Variants in SLC20A2 observed in about 807,000 individuals in gnomAD.
SLC20A2 encodes solute carrier family 20 member 2, also known as sodium-dependent phosphate transporter 2.
Under a neutral mutation model 61.0 loss-of-function variants are expected in SLC20A2, and 30 were observed. That is an observed-to-expected ratio of 0.49 (90% CI 0.37 to 0.67). The LOEUF (loss-of-function observed/expected upper bound fraction) is 0.67, where lower values mean the gene tolerates loss of function less well. Among genes scored for constraint, SLC20A2 ranks in the 30% least tolerant of loss-of-function variants. The probability of loss-of-function intolerance (pLI) is 0.00; values close to 1 mark genes in which losing one functional copy is unlikely to be tolerated. For synonymous variants in SLC20A2, 351 were observed against 353.3 expected (o/e 0.99, Z 0.07); for missense variants, 626 against 866.4 (o/e 0.72, Z 3.48).
upstream of SLC20A2, among the ~76,000 whole-genome samples, chr8:42,505,433 C>A (rs1230343197): frequency 2.6e-5 from 4 of 152,206 alleles, no homozygotes; most frequent in African/African-American, 2.4e-5. Flanking sequence ...ATGCCTGACC[C>A]CTCATTTCTT....
At chr8:42,493,206 G>C (rs1366531954) in intron 1 of SLC20A2, among the ~76,000 whole-genome samples, 1 of 152,194 alleles carries the variant, frequency 6.6e-6, no homozygotes, top group African/African-American at 2.4e-5. Context: ...GTCCCACTTT[G>C]TTCAAGATTT....
chr8:42,485,197 T>C (rs933737307), intron 1 of SLC20A2, among the ~76,000 whole-genome samples: 4 of 152,102 alleles, frequency 2.6e-5, no homozygotes, highest in African/African-American at 7.2e-5. Context: ...CTTCTCTCAC[T>C]GCATGGAATG....
chr8:42,474,198 A>AT (rs1325112768), intron 1 of SLC20A2, among the ~76,000 whole-genome samples: 43 of 152,174 alleles, frequency 2.8e-4, no homozygotes, highest in African/African-American at 1.0e-3. Flanking sequence ...ATAATAATGC[A>AT]TAAAAATACC....
intron 8 of SLC20A2, among the ~76,000 whole-genome samples, chr8:42,430,796 C>T (rs182613953): frequency 3.3e-5 from 5 of 152,180 alleles, no homozygotes; most frequent in Admixed American, 6.5e-5. Context: ...ACAGTATTCC[C>T]GAATTTTTCA....
intron 5 of SLC20A2, among the ~76,000 whole-genome samples, chr8:42,455,257 T>TATATATATATATAGAGAGAG (rs1357416749): frequency 1.2e-5 from 1 of 81,620 alleles, no homozygotes; most frequent in African/African-American, 4.4e-5. Context: ...TATATATATA[T>TATATATATATATAGAGAGAG]AGAGAGAGAG....
At chr8:42,489,365 G>A (rs1022695269) in intron 1 of SLC20A2, among the ~76,000 whole-genome samples, 3 of 151,988 alleles carry the variant, frequency 2.0e-5, no homozygotes, top group Non-Finnish European at 4.4e-5. Context: ...ACGTGTAATG[G>A]CTGCTCTGAA....
In SLC20A2 at chr8:42,465,842, G is replaced by A. The variant is rs748918290; in HGVS notation, c.365C>T (p.Thr122Ile). Residue 122 changes from threonine (T) to isoleucine (I), a missense_variant, in exon 3 of 11, where the codon ACT becomes ATT. Thr to Ile is a moderately conservative substitution (Grantham distance 89). Around this residue, in one of 3 missense-constraint regions of SLC20A2, gnomAD observed 127 missense variants for 215.4 expected, o/e 0.59. Coordinates refer to ENST00000520262, the MANE Select transcript of SLC20A2 (RefSeq NM_001257180.2). ...GATTGCGACCAGTGAGAATCCTATAGTAGAACCCACAATGCAGTGCGTTCC... is the reference window on the plus strand; with the variant it reads ...GATTGCGACCAGTGAGAATCCTATAATAGAACCCACAATGCAGTGCGTTCC... ...ISGTHCIVGS[T>I]IGFSLVAIGT... is the part of the protein sequence containing the mutation. 6.2e-7 allele frequency: 1 copy of A among 1,613,978 alleles called. No individual in the cohort carries two copies. The highest frequency in any genetic ancestry group is 1.7e-5 in the Admixed American group (1 of 60,000).
rs2131399675 is a variant in SLC20A2 at position 42,520,545 on chromosome 8, T to C, written c.-265+21276A>G. Among the ~76,000 whole-genome samples, 3 of 112,708 alleles carry C rather than the reference T, an allele frequency of 2.7e-5. 1 individual carries two copies. The Admixed American group carries it at 2.7e-4, about 10-fold the overall frequency. 73.9% of individuals were successfully genotyped at this position (112,708 alleles called of 152,430 possible). On this transcript the variant is annotated intron_variant, in intron 1 of 10. Transcript: ENST00000342228. ...ATTGAGACCATCCTGGCTAACACAG[T>C]GAAACCCCATCTCCACTGAAAATGT...
intron 1 of SLC20A2, among the ~76,000 whole-genome samples, chr8:42,493,576 T>C (rs914957297): frequency 1.3e-5 from 2 of 152,226 alleles, no homozygotes; most frequent in African/African-American, 2.4e-5. Context: ...GTTATTTTAA[T>C]TGACTTAAAA....
At chr8:42,424,825 C>CTG (rs1563438095) in intron 10 of SLC20A2, among the ~76,000 whole-genome samples, 22 of 152,242 alleles carry the variant, frequency 1.4e-4, no homozygotes, top group Non-Finnish European at 2.8e-4. Flanking sequence ...GCAGGCAGAC[C>CTG]ACTTGAGGTC....
intron 1 of SLC20A2, among the ~76,000 whole-genome samples, chr8:42,525,536 C>T (rs891590171): frequency 1.4e-4 from 20 of 139,978 alleles, no homozygotes; most frequent in Admixed American, 3.9e-4. Flanking sequence ...GAGCTGAGAT[C>T]GCACCACTGC....
At chr8:42,533,076 A>C (rs910576366) in intron 1 of SLC20A2, among the ~76,000 whole-genome samples, 1 of 152,382 alleles carries the variant, frequency 6.6e-6, no homozygotes, top group South Asian at 2.1e-4. Context: ...CAGGCCTATC[A>C]GGGAAAGAAA....
intron 1 of SLC20A2, among the ~76,000 whole-genome samples, chr8:42,520,314 T>C (rs910989941): frequency 6.6e-6 from 1 of 151,366 alleles, no homozygotes; most frequent in African/African-American, 2.4e-5. Flanking sequence ...GCGCCCAGCC[T>C]CTTTATGCCC....
In SLC20A2 at chr8:42,465,808, T is replaced by A; in HGVS notation, c.399A>T (p.Lys133Asn). ...TGACAAGCTCCATCCACTGCACACC[T>A]TTGGTACCGATTGCGACCAGTGAGA... ...IGFSLVAIGT[K>N]GVQWMELVKI... Residue 133 changes from lysine (K) to asparagine (N), a missense_variant, in exon 3 of 11, where the codon AAA (lysine) becomes AAT (asparagine). This residue lies in a region of SLC20A2 where 127 missense variants were observed against 215.4 expected (regional missense o/e 0.59). Transcript: ENST00000520262. 2 of 1,613,504 alleles carry A rather than the reference T, an allele frequency of 1.2e-6. No individual in the cohort carries two copies. The highest frequency in any genetic ancestry group is 1.7e-6 in the Non-Finnish European group (2 of 1,179,798).
intron 5 of SLC20A2, among the ~76,000 whole-genome samples, chr8:42,454,393 T>C (rs533736755): frequency 4.9e-4 from 74 of 152,198 alleles, no homozygotes; most frequent in Non-Finnish European, 9.3e-4. Flanking sequence ...TGCCGGGCAC[T>C]GTGCCAGGTA....
At chr8:42,483,188 C>G (rs1394523939) in intron 1 of SLC20A2, among the ~76,000 whole-genome samples, 2 of 151,834 alleles carry the variant, frequency 1.3e-5, no homozygotes, top group Non-Finnish European at 2.9e-5. Flanking sequence ...GTTTCCGTCT[C>G]TACTAAAATC....
At chr8:42,478,522 A>G (rs1808331892) in intron 1 of SLC20A2, among the ~76,000 whole-genome samples, 1 of 152,060 alleles carries the variant, frequency 6.6e-6, no homozygotes, top group East Asian at 1.9e-4. Context: ...ACTATTGGCA[A>G]TTTCTTAAAA....
At chr8:42,539,557 A>T (rs1399848848) in intron 1 of SLC20A2, among the ~76,000 whole-genome samples, 1 of 152,250 alleles carries the variant, frequency 6.6e-6, no homozygotes, top group African/African-American at 2.4e-5. Context: ...CATCCTTAAC[A>T]TTTAAATGCC....
At chr8:42,446,642 T>C (rs1805235113) in intron 5 of SLC20A2, among the ~76,000 whole-genome samples, 1 of 152,236 alleles carries the variant, frequency 6.6e-6, no homozygotes, top group African/African-American at 2.4e-5. Context: ...TGATGCAATT[T>C]ATGTTTGAAA....
Sources: gnomAD v4.1 joint callset for allele counts (sites outside exome capture counted in the v4.1 genomes callset) on GRCh38, gnomAD v4.1.1 for gene constraint, gnomAD v4.1.1 regional missense constraint, MANE v1.5 for transcripts, NCBI Gene and HGNC (gene_info 2026-07-23, HGNC 2026-07-21) for gene names.